The following LMO4 variants were observed in gnomAD, a reference collection of about 807,000 sequenced individuals.
The protein encoded by LMO4 is LIM domain transcription factor LMO4.
LMO4 carries 3 observed loss-of-function variants against 18.5 expected under a neutral mutation model. The observed-to-expected ratio is 0.16, with a 90% CI of 0.07 to 0.42. The LOEUF is 0.42. Among genes scored for constraint, LMO4 ranks in the 10% least tolerant of loss-of-function variants. The pLI is 0.99. For missense variants in LMO4, 121 were observed against 219.9 expected (o/e 0.55, Z 2.84); for synonymous variants, 100 against 88.1 (o/e 1.14, Z -0.76).
At chr1:87,330,125 A>G (rs190175157) in intron 1 of LMO4, among the ~76,000 whole-genome samples, 34 of 151,194 alleles carry the variant, frequency 2.2e-4, no homozygotes, top group Middle Eastern at 3.4e-3. Flanking sequence ...AATCAGCATT[A>G]AGGTATTGCT....
At chr1:87,332,342 A>G in intron 2 of LMO4, 91 bp downstream of exon 2, 1 of 955,570 alleles carries the variant, frequency 1.0e-6, no homozygotes, top group Non-Finnish European at 1.6e-6. Flanking sequence ...GTAGGCGTCT[A>G]CGGGGAGTAT....
intron 1 of LMO4, among the ~76,000 whole-genome samples, chr1:87,330,780 A>G (rs934216538): frequency 6.6e-6 from 1 of 152,228 alleles, no homozygotes; most frequent in Non-Finnish European, 1.5e-5. Flanking sequence ...AAGACAATAC[A>G]GGCTGCTTAA....
Position 87,329,069 on chromosome 1 carries a change from T to TA in LMO4, c.-164dup, listed in dbSNP as rs71677120. The TA allele has an allele frequency of 0.077, 10,495 of 135,840 alleles. 515 individuals are homozygous for TA. Among genetic ancestry groups the TA allele is most frequent in the African/African-American group, 0.13 (4,732 of 37,156 alleles). 8.4% of individuals were successfully genotyped at this position (135,840 alleles called of 1,614,324 possible). A position where few individuals can be genotyped will look rare whatever the true frequency, so the allele number is the denominator to read the frequency against. On this transcript the variant is annotated 5_prime_UTR_variant, in exon 1 of 5. Transcript: ENST00000370544. Reference sequence around the variant, plus strand: ...CAACCCGCCCCAGAGCAACGCGATTTAAAAAAAAAAAAAAAGCCGCCCTTA... The same window carrying TA: ...CAACCCGCCCCAGAGCAACGCGATTTAAAAAAAAAAAAAAAAGCCGCCCTTA...
At chr1:87,343,017 C>A (rs540152048) in intron 4 of LMO4, among the ~76,000 whole-genome samples, 86 of 152,194 alleles carry the variant, frequency 5.7e-4, no homozygotes, top group African/African-American at 2.1e-3. Context: ...GGCCATTTTC[C>A]TTCTATTCGC....
chr1:87,332,279 TG>T (rs1420195173), intron 2 of LMO4, 28 bp downstream of exon 2: 2 of 1,565,340 alleles, frequency 1.3e-6, no homozygotes, highest in African/African-American at 1.4e-5. Context: ...TTCCTGGAGA[TG>T]GGGGGAAGAG....
rs1650689746 is a variant in LMO4, at chr1:87,348,245, ATCACCCTTCACCCCAAAGACCCCT to A, written c.*3462_*3485del. On this transcript the variant is annotated 3_prime_UTR_variant, in exon 5 of 5. Transcript: ENST00000370544. Reference sequence around the variant, plus strand: ...TAAATTGAGGAGATCCAAAAACCCCATCACCCTTCACCCCAAAGACCCCTTCACCCTTCACCAGGGAATTCTATC... The same window carrying A: ...TAAATTGAGGAGATCCAAAAACCCCATCACCCTTCACCAGGGAATTCTATC... 6.3e-6 allele frequency: 1 copy of A among 158,632 alleles called. No individual in the cohort carries two copies. The highest frequency in any genetic ancestry group is 2.4e-5 in the African/African-American group (1 of 41,538). 9.8% of individuals were successfully genotyped at this position (158,632 alleles called of 1,614,324 possible).
At chr1:87,340,270 C>A in intron 4 of LMO4, 68 bp downstream of exon 4, 2 of 1,476,266 alleles carry the variant, frequency 1.4e-6, no homozygotes, top group Non-Finnish European at 1.9e-6. Context: ...CTTAACCTAG[C>A]AAGAGAGTTT....
At chr1:87,342,942 C>T (rs954123487) in intron 4 of LMO4, among the ~76,000 whole-genome samples, 16 of 152,022 alleles carry the variant, frequency 1.1e-4, no homozygotes, top group Non-Finnish European at 1.6e-4. Flanking sequence ...CAAATGGCTT[C>T]GTTTTATTAT....
intron 4 of LMO4, among the ~76,000 whole-genome samples, chr1:87,342,943 G>A (rs984530558): frequency 8.5e-5 from 13 of 152,102 alleles, no homozygotes; most frequent in African/African-American, 2.4e-4. Context: ...AAATGGCTTC[G>A]TTTTATTATT....
chr1:87,338,751 AC>A (rs1310224575), intron 2 of LMO4, among the ~76,000 whole-genome samples: 2 of 152,158 alleles, frequency 1.3e-5, no homozygotes, highest in African/African-American at 4.8e-5. Context: ...CTGCAGTGAT[AC>A]AGCAAACACC....
Position 87,339,599 on chromosome 1 carries a change from C to G in LMO4, c.300C>G (p.Val100=). The G allele has an allele frequency of 6.2e-7, 1 of 1,613,358 alleles. No homozygotes were observed. The highest frequency in any genetic ancestry group is 8.5e-7 in the Non-Finnish European group (1 of 1,179,454). The change falls in exon 3 of 5, where the codon GTC becomes GTG. Residue 100 remains valine (V), a synonymous_variant. Coordinates refer to ENST00000370544, the MANE Select transcript of LMO4 (RefSeq NM_006769.4). The stretch of plus-strand genomic sequence containing the variant: ...AGTCGATTCCTGCGAGTGAACTCGT[C>G]ATGAGGGCGCAAGGCAATGTGTATC... ...CGQSIPASEL[V]MRAQGNVYHL...
At position 87,348,559 on chromosome 1, in the gene LMO4, G is replaced by A; in HGVS notation, c.*3763G>A. The A allele has an allele frequency of 1.0e-5, 4 of 397,492 alleles. No homozygotes were observed. The highest frequency in any genetic ancestry group is 7.4e-5 in the South Asian group (4 of 54,272). The allele number at this position is 397,492 out of a possible 1,614,324, so 24.6% of individuals were successfully genotyped here. On this transcript the variant is annotated 3_prime_UTR_variant, in exon 5 of 5. Coordinates refer to ENST00000370544, the MANE Select transcript of LMO4 (RefSeq NM_006769.4). The stretch of plus-strand genomic sequence containing the variant: ...ACTTGCAGAGTCTGAGATCTGACTA[G>A]CAGCAAAGTGTAGCACATTCGCCGA...
At position 87,344,845 on chromosome 1, in the gene LMO4, C is replaced by T. The variant is rs756027426; in HGVS notation, c.*49C>T. 6 of 1,601,176 alleles carry T rather than the reference C, an allele frequency of 3.7e-6. No individual in the cohort carries two copies. The highest frequency in any genetic ancestry group is 5.1e-6 in the Non-Finnish European group (6 of 1,168,496). Reference sequence around the variant, plus strand: ...GTGCCTTCATCTCAGATTTGTTCATCACAGGTGGATCCCATGTGTCTTCAG... The same window carrying T: ...GTGCCTTCATCTCAGATTTGTTCATTACAGGTGGATCCCATGTGTCTTCAG... On this transcript the variant is annotated 3_prime_UTR_variant, in exon 5 of 5. Coordinates refer to ENST00000370544, the MANE Select transcript of LMO4 (RefSeq NM_006769.4).
chr1:87,332,060 C>G lies in LMO4; in HGVS notation c.45C>G (p.Ala15=). ...GSSSQPPPVT[A]GSLSWKRCAG... ...GCTCGCAGCCGCCCCCGGTGACGGC[C>G]GGCTCCCTCTCCTGGAAGCGGTGCG... Residue 15 remains alanine, a synonymous_variant, in exon 2 of 5, where the codon GCC becomes GCG. Coordinates refer to ENST00000370544, the MANE Select transcript of LMO4 (RefSeq NM_006769.4). The G allele has an allele frequency of 6.2e-7, 1 of 1,613,500 alleles. No homozygotes were observed. The highest frequency in any genetic ancestry group is 8.5e-7 in the Non-Finnish European group (1 of 1,179,980).
At chr1:87,338,799 T>C (rs1650390784) in intron 2 of LMO4, among the ~76,000 whole-genome samples, 1 of 152,184 alleles carries the variant, frequency 6.6e-6, no homozygotes, top group Non-Finnish European at 1.5e-5. Flanking sequence ...CAGATCCCGG[T>C]AAATTACTTT....
intron 1 of LMO4, among the ~76,000 whole-genome samples, chr1:87,330,773 A>G (rs956848793): frequency 6.6e-6 from 1 of 152,212 alleles, no homozygotes. Context: ...GAGGACAAAG[A>G]CAATACAGGC....
At chr1:87,332,309 T>A (rs548846181) in intron 2 of LMO4, 58 bp downstream of exon 2, 6 of 1,357,656 alleles carry the variant, frequency 4.4e-6, no homozygotes, top group Non-Finnish European at 6.3e-6. Flanking sequence ...AGGCCAAAGG[T>A]TAACAGGGTT....
chr1:87,343,788 C>T (rs1301897650), intron 4 of LMO4, among the ~76,000 whole-genome samples: 1 of 152,154 alleles, frequency 6.6e-6, no homozygotes, highest in Non-Finnish European at 1.5e-5. Context: ...AAGCCTTCAC[C>T]ACTTTAATTA....
At chr1:87,334,725 A>G (rs1650248326) in intron 2 of LMO4, among the ~76,000 whole-genome samples, 1 of 151,976 alleles carries the variant, frequency 6.6e-6, no homozygotes, top group Non-Finnish European at 1.5e-5. Context: ...AGGGGGCTGC[A>G]AGATGAGGGG....
Sources: allele counts gnomAD v4.1 joint callset (sites outside exome capture counted in the v4.1 genomes callset), GRCh38; gene constraint gnomAD v4.1.1; transcripts MANE v1.5; gene names NCBI Gene and HGNC (gene_info 2026-07-23, HGNC 2026-07-21).